Variants in AMMECR1 observed in about 807,000 individuals in gnomAD.
AMMECR1 encodes nuclear protein AMMECR1.
In AMMECR1, 3 loss-of-function variants were observed where a neutral mutation model predicts 22.5. The ratio of observed to expected loss-of-function variants is 0.13; its 90% confidence interval spans 0.06 to 0.35. The LOEUF (loss-of-function observed/expected upper bound fraction) is 0.35, where lower values mean the gene tolerates loss of function less well. Ranked by LOEUF, AMMECR1 falls within the 10% of genes least tolerant of loss-of-function variation. AMMECR1 has a pLI of 1.00. For synonymous variants in AMMECR1, 130 were observed against 116.7 expected (o/e 1.11, Z -0.74); for missense variants, 235 against 278.7 (o/e 0.84, Z 1.12).
At chrX:110,295,702 T>C (rs2067931989) in intron 1 of AMMECR1, among the ~76,000 whole-genome samples, 1 of 111,602 alleles carries the variant, frequency 9.0e-6, no homozygotes, top group Non-Finnish European at 1.9e-5. Flanking sequence ...TTTATTCTAG[T>C]TTGAGTCACT....
At chrX:110,359,632 T>C (rs2068249935) in intron 2 of AMMECR1, among the ~76,000 whole-genome samples, 2 of 111,902 alleles carry the variant, frequency 1.8e-5, no homozygotes, top group African/African-American at 6.5e-5. Flanking sequence ...TATTCATTAA[T>C]TAATTTATTC....
In AMMECR1 at chrX:110,317,977, T is replaced by C. The variant is rs532932675; in HGVS notation, c.95A>G (p.His32Arg). 5.8e-6 allele frequency: 7 copies of C among 1,197,480 alleles called. No homozygotes were observed. The South Asian group carries it at 1.1e-4, about 19-fold the overall frequency. The change falls in exon 1 of 6, where the codon CAC becomes CGC. Residue 32 changes from histidine (H) to arginine (R), a missense_variant. His to Arg is a conservative substitution (Grantham distance 29). This residue lies in a region of AMMECR1 where 124 missense variants were observed against 97.0 expected (regional missense o/e 1.28). Coordinates refer to ENST00000262844, the MANE Select transcript of AMMECR1 (RefSeq NM_015365.3). ...GGGGGASSSS[H>R]CSGESQCRAG... ...TCGGCACTGGCTCTCTCCGCTGCAG[T>C]GGGAGGAGGAGGAGGCGCCACCACC...
chrX:110,294,244 G>A (rs905585639), intron 1 of AMMECR1, among the ~76,000 whole-genome samples: 11 of 111,689 alleles, frequency 9.8e-5, no homozygotes, highest in African/African-American at 2.9e-4. Flanking sequence ...CTGACTTCAC[G>A]GAGATGAGAT....
chrX:110,338,668 C>G (rs1247353398), intron 2 of AMMECR1, among the ~76,000 whole-genome samples: 1 of 111,948 alleles, frequency 8.9e-6, no homozygotes, highest in Non-Finnish European at 1.9e-5. Context: ...TCAGGTTTCG[C>G]CTGTTTACAA....
intron 2 of AMMECR1, among the ~76,000 whole-genome samples, chrX:110,353,933 A>T (rs773837544): frequency 2.2e-4 from 25 of 112,510 alleles, no homozygotes; most frequent in African/African-American, 7.1e-4. Flanking sequence ...GCATCAAAAA[A>T]TAAAATGTTT....
At chrX:110,273,276 C>A (rs1291841142) in intron 1 of AMMECR1, among the ~76,000 whole-genome samples, 1 of 111,528 alleles carries the variant, frequency 9.0e-6, no homozygotes, top group Non-Finnish European at 1.9e-5. Flanking sequence ...AATGTTTTTT[C>A]ACGTGCTTGC....
chrX:110,355,920 A>G (rs945056425), intron 2 of AMMECR1, among the ~76,000 whole-genome samples: 3 of 111,658 alleles, frequency 2.7e-5, no homozygotes, highest in Non-Finnish European at 5.6e-5. Flanking sequence ...AGAAAATTCT[A>G]TCATTCAAAA....
intron 1 of AMMECR1, among the ~76,000 whole-genome samples, chrX:110,429,180 G>T (rs759435725): frequency 8.9e-6 from 1 of 111,755 alleles, no homozygotes; most frequent in African/African-American, 3.3e-5. Context: ...TTTTATATGT[G>T]TGTAGTCTTG....
At chrX:110,432,932 T>C (rs778617200) in intron 1 of AMMECR1, among the ~76,000 whole-genome samples, 2 of 112,719 alleles carry the variant, frequency 1.8e-5, no homozygotes, top group Non-Finnish European at 3.7e-5. Context: ...ACCCTGTGGT[T>C]CAGGGAGGTG....
chrX:110,230,318 C>T (rs777863507), intron 2 of AMMECR1, among the ~76,000 whole-genome samples: 9 of 112,032 alleles, frequency 8.0e-5, no homozygotes, highest in Non-Finnish European at 1.5e-4. Flanking sequence ...GGAAGTATCA[C>T]GCAGCAATAT....
At chrX:110,354,713 G>T (rs1226465049) in intron 2 of AMMECR1, among the ~76,000 whole-genome samples, 1 of 112,083 alleles carries the variant, frequency 8.9e-6, no homozygotes, top group Non-Finnish European at 1.9e-5. Context: ...ATGATAAATT[G>T]ACTTTCAACA....
intron 2 of AMMECR1, among the ~76,000 whole-genome samples, chrX:110,244,374 A>G (rs1396005439): frequency 9.0e-6 from 1 of 111,204 alleles, no homozygotes; most frequent in South Asian, 3.8e-4. Flanking sequence ...TTCTCTTCTC[A>G]TATATATTTC....
chrX:110,227,979 CCAAT>C (rs1324475011), intron 2 of AMMECR1, among the ~76,000 whole-genome samples: 3 of 112,173 alleles, frequency 2.7e-5, no homozygotes, highest in East Asian at 2.8e-4. Context: ...AGCTGCCTAA[CCAAT>C]CAATCAATGT....
At chrX:110,432,784 A>G (rs2068807415) in intron 1 of AMMECR1, among the ~76,000 whole-genome samples, 1 of 112,459 alleles carries the variant, frequency 8.9e-6, no homozygotes, top group Non-Finnish European at 1.9e-5. Flanking sequence ...TGCTTCCTGA[A>G]TGTTTCCAAG....
intron 2 of AMMECR1, among the ~76,000 whole-genome samples, chrX:110,344,645 C>G (rs1273263520): frequency 1.3e-4 from 14 of 110,586 alleles, no homozygotes; most frequent in African/African-American, 4.6e-4. Flanking sequence ...AACAAATTCA[C>G]AAGAAAAAAA....
rs1015141923 is a variant in AMMECR1, at chrX:110,316,470, A to C, written c.473+1129T>G. Among the ~76,000 whole-genome samples, 4 of 111,076 alleles carry C rather than the reference A, an allele frequency of 3.6e-5. No homozygotes were observed. The East Asian group carries it at 8.4e-4, about 23-fold the overall frequency. On this transcript the variant is annotated intron_variant, in intron 1 of 5. Coordinates refer to ENST00000262844, the MANE Select transcript of AMMECR1 (RefSeq NM_015365.3). ...TGTATTATTTTTCTTGTTGATGCTA[A>C]GTACTCAAATAAAAGCAATTGCACT...
At chrX:110,360,269 A>G (rs1405193298) in intron 2 of AMMECR1, among the ~76,000 whole-genome samples, 13 of 112,067 alleles carry the variant, frequency 1.2e-4, no homozygotes, top group Non-Finnish European at 1.9e-4. Context: ...GCCATAGTAG[A>G]TACCATTGGA....
chrX:110,244,326 T>C (rs1344359328), intron 2 of AMMECR1, among the ~76,000 whole-genome samples: 4 of 111,769 alleles, frequency 3.6e-5, no homozygotes, highest in Non-Finnish European at 3.8e-5. Context: ...AGGGTAATAG[T>C]AATAGTCAGG....
intron 2 of AMMECR1, among the ~76,000 whole-genome samples, chrX:110,247,996 T>A (rs888430032): frequency 4.5e-5 from 5 of 111,925 alleles, no homozygotes; most frequent in African/African-American, 6.5e-5. Context: ...AAAGAATGCA[T>A]CATAAAATAC....
Sources: gnomAD v4.1 joint callset for allele counts (sites outside exome capture counted in the v4.1 genomes callset) on GRCh38, gnomAD v4.1.1 for gene constraint, gnomAD v4.1.1 regional missense constraint, MANE v1.5 for transcripts, NCBI Gene and HGNC (gene_info 2026-07-23, HGNC 2026-07-21) for gene names.